HBE1: variants seen among roughly 807,000 people sequenced by gnomAD.
The protein encoded by HBE1 is hemoglobin subunit epsilon 1, also known as hemoglobin subunit epsilon.
In HBE1, 10 loss-of-function variants were observed where a neutral mutation model predicts 12.1. The ratio of observed to expected loss-of-function variants is 0.83; its 90% CI spans 0.51 to 1.40. The LOEUF is 1.40. Among genes scored for constraint, HBE1 ranks in the 40% most tolerant of loss-of-function variants. HBE1 has a pLI of 0.00. For synonymous variants in HBE1, 78 were observed against 70.4 expected (o/e 1.11, Z -0.54); for missense variants, 172 against 175.8 (o/e 0.98, Z 0.12).
Position 5,269,574 on chromosome 11 carries a change from G to A in HBE1, c.195C>T (p.Gly65=), listed in dbSNP as rs1316456303. 3 of 1,613,862 alleles carry A rather than the reference G, an allele frequency of 1.9e-6. No homozygotes were observed. The highest frequency in any genetic ancestry group is 2.5e-6 in the Non-Finnish European group (3 of 1,179,760). Reference sequence around the variant, plus strand: ...CTCCAAAGGAAGTCAGCACCTTCTTGCCATGGGCCTTGACCTTGGGGTTGC... The same window carrying A: ...CTCCAAAGGAAGTCAGCACCTTCTTACCATGGGCCTTGACCTTGGGGTTGC... ...ILGNPKVKAH[G]KKVLTSFGDA... is the part of the protein sequence containing the mutation. Residue 65 remains glycine (G), a synonymous_variant, in exon 2 of 3, where the codon GGC becomes GGT. Transcript: ENST00000396895.
Position 5,269,505 on chromosome 11 carries a change from C to A in HBE1, c.264G>T (p.Lys88Asn). Residue 88 changes from lysine to asparagine, a missense_variant, in exon 2 of 3, where the codon AAG becomes AAT. Physicochemically the swap from Lys to Asn is moderately conservative, Grantham distance 94. Transcript: ENST00000396895. ...GCTTGTCACAGTGCAGCTCACTCAG[C>A]TTAGCAAAGGCGGGCTTGAGGTTGT... ...NMDNLKPAFA[K>N]LSELHCDKLH... is the part of the protein sequence containing the mutation. The A allele has an allele frequency of 6.2e-7, 1 of 1,614,106 alleles. No individual in the cohort carries two copies. Among genetic ancestry groups the A allele is most frequent in the African/African-American group, 1.3e-5 (1 of 75,050 alleles).
At chr11:5,269,372 T>C (rs1848166612) in intron 2 of HBE1, 82 bp downstream of exon 2, 4 of 1,008,656 alleles carry the variant, frequency 4.0e-6, no homozygotes, top group Non-Finnish European at 4.8e-6. Context: ...AGATCTTTGT[T>C]GGTCTTTCCA....
At position 5,269,688 on chromosome 11, in the gene HBE1, C is replaced by T. The variant is rs1259040363; in HGVS notation, c.93-12G>A. The T allele has an allele frequency of 6.3e-7, 1 of 1,599,508 alleles. No homozygotes were observed. Among genetic ancestry groups the T allele is most frequent in the Non-Finnish European group, 8.6e-7 (1 of 1,167,242 alleles). ...AAACAACGAGGAGTCTATGAAATGA[C>T]ACCATATCAGATACAAAATTAGAGA... is the stretch of plus-strand genomic sequence containing the variant. On this transcript the variant is annotated splice_polypyrimidine_tract_variant and intron_variant, in intron 1 of 2. Coordinates refer to ENST00000396895, the MANE Select transcript of HBE1 (RefSeq NM_005330.4).
At chr11:5,268,813 C>T (rs1220891775) in intron 2 of HBE1, among the ~76,000 whole-genome samples, 1 of 152,102 alleles carries the variant, frequency 6.6e-6, no homozygotes, top group Non-Finnish European at 1.5e-5. Flanking sequence ...AACATTCTAC[C>T]TACCTACACC....
Position 5,268,355 on chromosome 11 carries a change from CT to C in HBE1, c.*113del. ...AAGATAAAATTGCAATTTTTGATTA[CT>C]GAAGAAAATGTACTTTATTAAACAG... On this transcript the variant is annotated 3_prime_UTR_variant, in exon 3 of 3. Coordinates refer to ENST00000396895, the MANE Select transcript of HBE1 (RefSeq NM_005330.4). 1 of 950,966 alleles carries C rather than the reference CT, an allele frequency of 1.1e-6. No homozygotes were observed. The highest frequency in any genetic ancestry group is 2.5e-5 in the East Asian group (1 of 40,222). 58.9% of individuals were successfully genotyped at this position (950,966 alleles called of 1,614,324 possible). A position where few individuals can be genotyped will look rare whatever the true frequency, so the allele number is the denominator to read the frequency against.
At position 5,269,483 on chromosome 11, in the gene HBE1, T is replaced by C. The variant is rs74639984; in HGVS notation, c.286A>G (p.Lys96Glu). The part of the protein sequence containing the change: ...FAKLSELHCD[K>E]LHVDPENFKL... ...AAGTTCTCAGGATCCACATGCAGCT[T>C]GTCACAGTGCAGCTCACTCAGCTTA... Residue 96 changes from lysine (K) to glutamate (E), a missense_variant, in exon 2 of 3, where the codon AAG (lysine) becomes GAG (glutamate). By Grantham distance (56) the Lys-to-Glu change is moderately conservative. Transcript: ENST00000396895. 1.9e-6 allele frequency: 3 copies of C among 1,613,950 alleles called. No homozygotes were observed. In the East Asian group the frequency reaches 6.7e-5, roughly 36 times the overall value.
intron 2 of HBE1, among the ~76,000 whole-genome samples, chr11:5,268,824 C>T (rs1341950607): frequency 1.3e-5 from 2 of 152,272 alleles, no homozygotes; most frequent in Non-Finnish European, 2.9e-5. Context: ...TACCTACACC[C>T]TCACCCCCTT....
At chr11:5,269,343 G>T in intron 2 of HBE1, 111 bp downstream of exon 2, 1 of 852,894 alleles carries the variant, frequency 1.2e-6, no homozygotes, top group Non-Finnish European at 2.0e-6. Flanking sequence ...CTAACATCAA[G>T]CTCGACCCAT....
intron 2 of HBE1, among the ~76,000 whole-genome samples, chr11:5,269,199 T>C (rs1424160774): frequency 6.6e-6 from 1 of 152,128 alleles, no homozygotes; most frequent in Non-Finnish European, 1.5e-5. Flanking sequence ...ATAATACAAT[T>C]CTCTGGGATA....
intron 1 of HBE1, 44 bp downstream of exon 1, chr11:5,269,755 T>C: frequency 1.3e-6 from 2 of 1,567,884 alleles, no homozygotes; most frequent in Non-Finnish European, 1.8e-6. Flanking sequence ...CTTGCTAGGG[T>C]AATATTCACC....
Position 5,269,862 on chromosome 11 carries a change from G to GC in HBE1, c.28dup (p.Ala10GlyfsTer5), listed in dbSNP as rs779871774. 1.2e-6 allele frequency: 2 copies of GC among 1,613,762 alleles called. No homozygotes were observed. Among genetic ancestry groups the GC allele is most frequent in the East Asian group, 4.5e-5 (2 of 44,876 alleles). On this transcript the variant is annotated frameshift_variant, in exon 1 of 3. Coordinates refer to ENST00000396895, the MANE Select transcript of HBE1 (RefSeq NM_005330.4). LOFTEE classifies it high-confidence loss of function. ...CTTGCTCCACAGGCTAGTGACGGCA[G>GC]CCTTCTCCTCAGCAGTAAAATGCAC...
rs202129332 is a variant in HBE1, at chr11:5,269,559, A to C, written c.210T>G (p.Thr70=). 6.2e-7 allele frequency: 1 copy of C among 1,614,022 alleles called. No homozygotes were observed. The highest frequency in any genetic ancestry group is 8.5e-7 in the Non-Finnish European group (1 of 1,179,890). ...KVKAHGKKVL[T]SFGDAIKNMD... is the part of the protein sequence containing the mutation. ...TGTTTTTAATAGCATCTCCAAAGGA[A>C]GTCAGCACCTTCTTGCCATGGGCCT... is the stretch of plus-strand genomic sequence containing the variant. Residue 70 remains threonine, a synonymous_variant, in exon 2 of 3, where the codon ACT becomes ACG. Coordinates refer to ENST00000396895, the MANE Select transcript of HBE1 (RefSeq NM_005330.4).
In HBE1 at chr11:5,269,471, C is replaced by T; in HGVS notation, c.298G>A (p.Asp100Asn). 6.2e-7 allele frequency: 1 copy of T among 1,613,618 alleles called. No homozygotes were observed. Among genetic ancestry groups the T allele is most frequent in the South Asian group, 1.1e-5 (1 of 91,078 alleles). ...GAACTCACCTTGAAGTTCTCAGGATCCACATGCAGCTTGTCACAGTGCAGC... is the reference window on the plus strand; with the variant it reads ...GAACTCACCTTGAAGTTCTCAGGATTCACATGCAGCTTGTCACAGTGCAGC... ...SELHCDKLHVDPENFKLLGNV... is the reference protein window; with the variant it reads ...SELHCDKLHVNPENFKLLGNV... Residue 100 changes from aspartate (D) to asparagine (N), a missense_variant, in exon 2 of 3, where the codon GAT becomes AAT. By Grantham distance (23) the Asp-to-Asn change is conservative. Coordinates refer to ENST00000396895, the MANE Select transcript of HBE1 (RefSeq NM_005330.4).
Position 5,269,120 on chromosome 11 carries a change from A to G in HBE1, c.315+334T>C, listed in dbSNP as rs1450919593. Among the ~76,000 whole-genome samples the G allele has an allele frequency of 3.9e-5, 6 of 152,156 alleles. No individual in the cohort carries two copies. The East Asian group carries it at 7.7e-4, about 20-fold the overall frequency. ...GACCCACATAAAATAAGGCATTTCT[A>G]TTTCCTTGAAATGGACTTTCATCTA... On this transcript the variant is annotated intron_variant, in intron 2 of 2. Transcript: ENST00000396895.
In HBE1 at chr11:5,268,558, A is replaced by G. The variant is rs148162793; in HGVS notation, c.355T>C (p.Phe119Leu). 13 of 1,613,790 alleles carry G rather than the reference A, an allele frequency of 8.1e-6. No individual in the cohort carries two copies. The highest frequency in any genetic ancestry group is 1.1e-5 in the South Asian group (1 of 91,068). ...NVMVIILATH[F>L]GKEFTPEVQA... ...ACTTCAGGGGTGAACTCCTTGCCAA[A>G]GTGAGTAGCCAGAATAATCACCATC... Residue 119 changes from phenylalanine (F) to leucine (L), a missense_variant, in exon 3 of 3, where the codon TTT becomes CTT. By Grantham distance (22) the Phe-to-Leu change is conservative (BLOSUM62 0). Coordinates refer to ENST00000396895, the MANE Select transcript of HBE1 (RefSeq NM_005330.4).
Position 5,268,369 on chromosome 11 carries a change from C to A in HBE1, c.*100G>T. On this transcript the variant is annotated 3_prime_UTR_variant, in exon 3 of 3. Coordinates refer to ENST00000396895, the MANE Select transcript of HBE1 (RefSeq NM_005330.4). ...ATTTTTGATTACTGAAGAAAATGTA[C>A]TTTATTAAACAGAAGGCTTTCTCTC... 9.3e-7 allele frequency: 1 copy of A among 1,074,712 alleles called. No homozygotes were observed. The highest frequency in any genetic ancestry group is 1.3e-6 in the Non-Finnish European group (1 of 754,708). 66.6% of individuals were successfully genotyped at this position (1,074,712 alleles called of 1,614,324 possible).
chr11:5,268,433 C>A lies in HBE1; in HGVS notation c.*36G>T. The stretch of plus-strand genomic sequence containing the variant: ...GTCCCCATGTGCAGAAGGAGGGTGT[C>A]AGGGTCACAGGAACACCTGCAAACT... On this transcript the variant is annotated 3_prime_UTR_variant, in exon 3 of 3. Transcript: ENST00000396895. 1 of 1,598,870 alleles carries A rather than the reference C, an allele frequency of 6.3e-7. No homozygotes were observed. The highest frequency in any genetic ancestry group is 1.1e-5 in the South Asian group (1 of 89,816).
intron 2 of HBE1, 34 bp from the exon 3 acceptor site, chr11:5,268,631 T>C: frequency 1.9e-6 from 3 of 1,601,350 alleles, no homozygotes; most frequent in Non-Finnish European, 2.6e-6. Flanking sequence ...CACACAGGCA[T>C]GTTGAGTAGA....
Position 5,269,822 on chromosome 11 carries a change from C to T in HBE1, c.69G>A (p.Glu23=), listed in dbSNP as rs373518559. 14 of 1,613,714 alleles carry T rather than the reference C, an allele frequency of 8.7e-6. No individual in the cohort carries two copies. In the African/African-American group the frequency reaches 1.7e-4, roughly 20 times the overall value. ...TSLWSKMNVE[E]AGGEALGRLL... ...ACCTGCCCAAGGCTTCACCTCCAGC[C>T]TCTTCCACATTCATCTTGCTCCACA... The change falls in exon 1 of 3, where the codon GAG becomes GAA. Residue 23 remains glutamate (E), a synonymous_variant. Transcript: ENST00000396895.
Sources: gnomAD v4.1 joint callset for allele counts (sites outside exome capture counted in the v4.1 genomes callset) on GRCh38, gnomAD v4.1.1 for gene constraint, MANE v1.5 for transcripts, NCBI Gene and HGNC (gene_info 2026-07-23, HGNC 2026-07-21) for gene names.